Variants in SP100 observed in about 807,000 individuals in gnomAD.
SP100 encodes nuclear autoantigen Sp-100.
In SP100, 84 loss-of-function variants were observed where a neutral mutation model predicts 130.0. The observed-to-expected ratio is 0.65, with a 90% CI of 0.54 to 0.77. The LOEUF is 0.77. Ranked by LOEUF, SP100 falls within the 30% of genes least tolerant of loss-of-function variation. The probability of loss-of-function intolerance (pLI) is 0.00; values close to 1 mark genes in which losing one functional copy is unlikely to be tolerated. For missense variants in SP100, 978 were observed against 1,052.2 expected (o/e 0.93, Z 0.97); for synonymous variants, 331 against 351.7 (o/e 0.94, Z 0.66).
rs757256373 is a variant in SP100 at position 230,416,286 on chromosome 2, A to G, written c.-11A>G. The G allele has an allele frequency of 1.9e-6, 3 of 1,612,480 alleles. No homozygotes were observed. The Admixed American group carries it at 5.0e-5, about 27-fold the overall frequency. ...AGGCTCTGAGGCCCACGCAGGGCCT[A>G]GGGTGGGAAGATGGCAGGTGGGGGC... On this transcript the variant is annotated 5_prime_UTR_variant, in exon 1 of 29. Coordinates refer to ENST00000340126, the MANE Select transcript of SP100 (RefSeq NM_001080391.2).
chr2:230,427,659 T>C (rs1046888452), intron 2 of SP100, among the ~76,000 whole-genome samples: 2 of 152,230 alleles, frequency 1.3e-5, no homozygotes, highest in Non-Finnish European at 2.9e-5. Flanking sequence ...TGCCTTCCTT[T>C]GTGATTTGAT....
At chr2:230,514,359 G>T (rs969938742) in intron 24 of SP100, among the ~76,000 whole-genome samples, 1 of 143,772 alleles carries the variant, frequency 7.0e-6, no homozygotes, top group Non-Finnish European at 1.5e-5. Context: ...TACAAGAATG[G>T]GGGAAAAAAA....
intron 8 of SP100, among the ~76,000 whole-genome samples, chr2:230,458,614 T>A (rs1388557892): frequency 1.3e-5 from 2 of 152,170 alleles, no homozygotes; most frequent in Non-Finnish European, 2.9e-5. Context: ...GAAGTTATCA[T>A]GAAAACGTAG....
chr2:230,498,560 A>G, intron 19 of SP100, 25 bp downstream of exon 19: 2 of 1,248,992 alleles, frequency 1.6e-6, no homozygotes, highest in Non-Finnish European at 2.2e-6. Flanking sequence ...ATACATTTTA[A>G]ATAAATAACG....
At chr2:230,462,661 T>C in intron 10 of SP100, 143 bp downstream of exon 10, 1 of 669,506 alleles carries the variant, frequency 1.5e-6, no homozygotes, top group Non-Finnish European at 2.7e-6. Flanking sequence ...TAATTTTACT[T>C]GACCTTTTTG....
chr2:230,534,695 T>G (rs1207010323), intron 24 of SP100, among the ~76,000 whole-genome samples: 1 of 152,234 alleles, frequency 6.6e-6, no homozygotes, highest in African/African-American at 2.4e-5. Flanking sequence ...GTTATATTTA[T>G]ATAGATGTGT....
chr2:230,478,334 C>T (rs2065668262), intron 17 of SP100, among the ~76,000 whole-genome samples: 1 of 152,116 alleles, frequency 6.6e-6, no homozygotes, highest in South Asian at 2.1e-4. Context: ...CAAATAAAAC[C>T]ATCGATCAGA....
chr2:230,458,782 A>G (rs962857272), intron 8 of SP100, among the ~76,000 whole-genome samples: 6 of 152,160 alleles, frequency 3.9e-5, no homozygotes, highest in African/African-American at 1.4e-4. Context: ...TGAGGAAGAT[A>G]TAGAAAGACA....
intron 17 of SP100, among the ~76,000 whole-genome samples, chr2:230,482,483 C>T (rs1365635550): frequency 1.3e-5 from 2 of 152,110 alleles, no homozygotes; most frequent in Non-Finnish European, 2.9e-5. Context: ...CTACTGAGAA[C>T]AAAACCCTAT....
intron 1 of SP100, among the ~76,000 whole-genome samples, chr2:230,416,587 G>T: frequency 6.6e-6 from 1 of 152,136 alleles, no homozygotes; most frequent in East Asian, 1.9e-4. Context: ...TCAGCTGACC[G>T]GGACACTCTA....
At chr2:230,508,311 CTT>C (rs10636838) in intron 23 of SP100, 341 of 148,070 alleles carry the variant, frequency 2.3e-3, no homozygotes, top group East Asian at 8.4e-3. Context: ...AAATGCCATA[CTT>C]TTTTTTTTTT....
chr2:230,443,378 C>T (rs1385960439), intron 3 of SP100, among the ~76,000 whole-genome samples: 1 of 152,202 alleles, frequency 6.6e-6, no homozygotes, highest in African/African-American at 2.4e-5. Flanking sequence ...GGAACGGAAA[C>T]AGGTGTTCTC....
At chr2:230,532,934 C>A (rs746565539) in intron 24 of SP100, among the ~76,000 whole-genome samples, 2 of 152,180 alleles carry the variant, frequency 1.3e-5, no homozygotes, top group Non-Finnish European at 2.9e-5. Flanking sequence ...GCGCCCACCA[C>A]CACGCCTGGC....
Position 230,508,033 on chromosome 2 carries a change from T to G in SP100, c.2052+2T>G. Reference sequence around the variant, plus strand: ...GAACCACCAAGCACAAGAAAAAAGGTGATGATCAAGTGATCTTCTGCCAAT... The same window carrying G: ...GAACCACCAAGCACAAGAAAAAAGGGGATGATCAAGTGATCTTCTGCCAAT... On this transcript the variant is annotated splice_donor_variant, in intron 23 of 28. Coordinates refer to ENST00000340126, the MANE Select transcript of SP100 (RefSeq NM_001080391.2). LOFTEE classifies it high-confidence loss of function. 1 of 1,613,428 alleles carries G rather than the reference T, an allele frequency of 6.2e-7. No homozygotes were observed. Among genetic ancestry groups the G allele is most frequent in the Non-Finnish European group, 8.5e-7 (1 of 1,179,686 alleles).
At chr2:230,476,845 G>A (rs975621289) in intron 17 of SP100, among the ~76,000 whole-genome samples, 10 of 152,016 alleles carry the variant, frequency 6.6e-5, no homozygotes, top group African/African-American at 2.4e-5. Context: ...AGAATGCTCT[G>A]TGTTTCTTTG....
chr2:230,422,877 G>A (rs539388703), intron 2 of SP100, among the ~76,000 whole-genome samples: 31 of 152,212 alleles, frequency 2.0e-4, no homozygotes, highest in Non-Finnish European at 1.5e-4. Flanking sequence ...TTTATATTTT[G>A]TTGTGGGATT....
intron 8 of SP100, 69 bp from the exon 9 acceptor site, chr2:230,461,193 G>T (rs2064602508): frequency 6.9e-7 from 1 of 1,455,438 alleles, no homozygotes; most frequent in African/African-American, 1.4e-5. Flanking sequence ...CAGAGAGGGG[G>T]AGTTATTAAT....
At chr2:230,502,181 C>G (rs1429495373) in intron 19 of SP100, among the ~76,000 whole-genome samples, 1 of 152,188 alleles carries the variant, frequency 6.6e-6, no homozygotes, top group Non-Finnish European at 1.5e-5. Flanking sequence ...CCGGGCCCAG[C>G]CCTGAGATAT....
At chr2:230,486,190 G>C (rs1423178957) in intron 17 of SP100, among the ~76,000 whole-genome samples, 2 of 152,210 alleles carry the variant, frequency 1.3e-5, no homozygotes, top group Non-Finnish European at 2.9e-5. Context: ...ACCCAGGAGA[G>C]AGGGTGAGCT....
Sources: gnomAD v4.1 joint callset for allele counts (sites outside exome capture counted in the v4.1 genomes callset) on GRCh38, gnomAD v4.1.1 for gene constraint, MANE v1.5 for transcripts, NCBI Gene and HGNC (gene_info 2026-07-23, HGNC 2026-07-21) for gene names.